Variants in PCDH15 observed in about 807,000 individuals in gnomAD.
The protein encoded by PCDH15 is protocadherin-15.
Under a neutral mutation model 178.5 loss-of-function variants are expected in PCDH15, and 129 were observed. The observed-to-expected ratio is 0.72, with a 90% CI of 0.63 to 0.84. PCDH15 has a LOEUF of 0.84. Ranked by LOEUF, PCDH15 falls within the 40% of genes least tolerant of loss-of-function variation. PCDH15 has a pLI of 0.00. For synonymous variants in PCDH15, 800 were observed against 732.0 expected, an observed-to-expected ratio of 1.09 and a Z score of -1.50; for missense variants, 2,230 against 2,099.9, an observed-to-expected ratio of 1.06 and a Z score of -1.21.
chr10:54,116,623 A>C (rs943680230), intron 15 of PCDH15, among the ~76,000 whole-genome samples: 1 of 152,200 alleles, frequency 6.6e-6, no homozygotes, highest in Non-Finnish European at 1.5e-5. Context: ...AGTCAGAGTA[A>C]AGAGCCCACA....
intron 1 of PCDH15, among the ~76,000 whole-genome samples, chr10:55,224,973 T>C (rs1341604701): frequency 6.6e-6 from 1 of 152,146 alleles, no homozygotes; most frequent in Non-Finnish European, 1.5e-5. Context: ...AGCCACTCCT[T>C]GGTCAATATC....
intron 2 of PCDH15, among the ~76,000 whole-genome samples, chr10:55,091,059 T>C (rs1167322183): frequency 1.3e-5 from 2 of 151,948 alleles, no homozygotes; most frequent in East Asian, 3.9e-4. Context: ...TTCATAATTT[T>C]CAAATGCAAA....
chr10:55,227,590 TAC>T (rs1175082267), intron 1 of PCDH15, among the ~76,000 whole-genome samples: 1 of 152,128 alleles, frequency 6.6e-6, no homozygotes, highest in Middle Eastern at 3.2e-3. Context: ...TGAGAAATGT[TAC>T]AGAGTTTTAA....
intron 2 of PCDH15, among the ~76,000 whole-genome samples, chr10:55,586,848 T>C (rs1267586253): frequency 6.6e-6 from 1 of 151,522 alleles, no homozygotes; most frequent in Non-Finnish European, 1.5e-5. Context: ...CTGCTCTCCT[T>C]CTATTTTTAT....
chr10:54,928,709 G>T (rs1837691004), intron 2 of PCDH15, among the ~76,000 whole-genome samples: 1 of 151,788 alleles, frequency 6.6e-6, no homozygotes, highest in South Asian at 2.1e-4. Context: ...TCTCACCTTG[G>T]TCTATTCTGC....
chr10:54,200,559 C>T lies in PCDH15; in HGVS notation c.1099-4670G>A, dbSNP rs1038810831. Among the ~76,000 whole-genome samples, 3 of 152,058 alleles carry T rather than the reference C, an allele frequency of 2.0e-5. No homozygotes were observed. The South Asian group carries it at 6.2e-4, about 32-fold the overall frequency. ...TTCACCCTCCCAAGTTTTCTTAAAC[C>T]CACTTCAATCATACTTTTGCCTCAG... On this transcript the variant is annotated intron_variant, in intron 10 of 37. Transcript: ENST00000644397.
chr10:54,939,725 A>C (rs1287749795), intron 2 of PCDH15, among the ~76,000 whole-genome samples: 1 of 152,156 alleles, frequency 6.6e-6, no homozygotes, highest in Non-Finnish European at 1.5e-5. Context: ...TGTGAAGTCC[A>C]AGATTAAGGC....
At chr10:53,819,422 C>T (rs938487685) in intron 33 of PCDH15, among the ~76,000 whole-genome samples, 1 of 151,930 alleles carries the variant, frequency 6.6e-6, no homozygotes, top group Non-Finnish European at 1.5e-5. Context: ...CAGAAAGTTA[C>T]TTGAAAGAGG....
intron 2 of PCDH15, among the ~76,000 whole-genome samples, chr10:55,013,889 T>C (rs1430642692): frequency 6.6e-6 from 1 of 152,078 alleles, no homozygotes; most frequent in Non-Finnish European, 1.5e-5. Context: ...TAGAACAGTA[T>C]TCAAACTATT....
intron 2 of PCDH15, among the ~76,000 whole-genome samples, chr10:55,125,010 T>C (rs2132070365): frequency 6.6e-6 from 1 of 152,218 alleles, no homozygotes; most frequent in Admixed American, 6.5e-5. Context: ...AAAAGACCTA[T>C]TGGCTCTTAA....
chr10:54,526,413 ACTG>A (rs2083368013), intron 3 of PCDH15, among the ~76,000 whole-genome samples: 9 of 152,198 alleles, frequency 5.9e-5, no homozygotes, highest in Admixed American at 5.9e-4. Context: ...AAAAAGGTTA[ACTG>A]TTTTCACTGT....
At chr10:54,323,081 A>G (rs1346270060) in intron 7 of PCDH15, among the ~76,000 whole-genome samples, 1 of 152,148 alleles carries the variant, frequency 6.6e-6, no homozygotes, top group Non-Finnish European at 1.5e-5. Flanking sequence ...TCAAAATAAG[A>G]CATACATGCA....
rs747880795 is a variant in PCDH15 at position 54,536,997 on chromosome 10, C to CTTTTTTT, written c.92-9127_92-9121dup. ...ACTATTTGGTGGAACAATTTGTTTC[C>CTTTTTTT]TTTTTTTTTTTTTTTTTTTTTGAGA... is the stretch of plus-strand genomic sequence containing the variant. On this transcript the variant is annotated intron_variant, in intron 2 of 37. Coordinates refer to ENST00000644397, the MANE Select transcript of PCDH15 (RefSeq NM_001384140.1). 4.3e-3 allele frequency among the ~76,000 whole-genome samples: 393 copies of CTTTTTTT among 92,046 alleles called. 9 individuals are homozygous for CTTTTTTT. The highest frequency in any genetic ancestry group is 5.2e-3 in the East Asian group (15 of 2,884). The allele number at this position is 92,046 out of a possible 152,430, so 60.4% of individuals were successfully genotyped here. A position where few individuals can be genotyped will look rare whatever the true frequency, so the allele number is the denominator to read the frequency against.
intron 8 of PCDH15, among the ~76,000 whole-genome samples, chr10:54,252,897 A>G (rs1163749734): frequency 6.6e-6 from 1 of 151,950 alleles, no homozygotes. Context: ...TCTGATCTGT[A>G]CTATAGTTAT....
At chr10:54,305,695 G>A (rs1445872817) in intron 8 of PCDH15, among the ~76,000 whole-genome samples, 1 of 151,948 alleles carries the variant, frequency 6.6e-6, no homozygotes, top group Non-Finnish European at 1.5e-5. Context: ...ACAAAGTCAT[G>A]AATTATCTAA....
chr10:54,180,824 TG>T (rs1179674072), intron 13 of PCDH15, among the ~76,000 whole-genome samples: 1 of 152,210 alleles, frequency 6.6e-6, no homozygotes, highest in Non-Finnish European at 1.5e-5. Context: ...TTTAAAATTG[TG>T]GGCATGCTGA....
intron 2 of PCDH15, among the ~76,000 whole-genome samples, chr10:54,964,043 C>A (rs1838720400): frequency 6.6e-6 from 1 of 152,252 alleles, no homozygotes; most frequent in East Asian, 1.9e-4. Context: ...CAACAGGAAG[C>A]AGGTGGTCAG....
Position 54,089,917 on chromosome 10 carries a change from G to A in PCDH15, c.1997+67C>T, listed in dbSNP as rs1353953674. On this transcript the variant is annotated intron_variant, in intron 16 of 37. Transcript: ENST00000644397. Reference sequence around the variant, plus strand: ...AACAGCTGAAAGCCTCTGATTAGAAGTCTGCTTTCTTACTAACAGTACGTT... The same window carrying A: ...AACAGCTGAAAGCCTCTGATTAGAAATCTGCTTTCTTACTAACAGTACGTT... The A allele has an allele frequency of 2.4e-6, 3 of 1,227,216 alleles. No individual in the cohort carries two copies. The African/African-American group carries it at 4.5e-5, about 18-fold the overall frequency. The allele number at this position is 1,227,216 out of a possible 1,614,324, so 76.0% of individuals were successfully genotyped here. A position where few individuals can be genotyped will look rare whatever the true frequency, so the allele number is the denominator to read the frequency against.
chr10:54,152,156 T>A (rs1317787960), intron 14 of PCDH15, among the ~76,000 whole-genome samples: 2 of 152,140 alleles, frequency 1.3e-5, no homozygotes. Context: ...AAGATACATC[T>A]CAAATACAAT....
Sources: allele counts gnomAD v4.1 joint callset (sites outside exome capture counted in the v4.1 genomes callset), GRCh38; gene constraint gnomAD v4.1.1; transcripts MANE v1.5; gene names NCBI Gene and HGNC (gene_info 2026-07-23, HGNC 2026-07-21).